LINGO2: variants seen among roughly 807,000 people sequenced by gnomAD.
The protein encoded by LINGO2 is leucine-rich repeat and immunoglobulin-like domain-containing nogo receptor-interacting protein 2.
In LINGO2, 14 loss-of-function variants were observed where a neutral mutation model predicts 30.6. The observed-to-expected ratio is 0.46, with a 90% CI of 0.30 to 0.72. The LOEUF (loss-of-function observed/expected upper bound fraction) is 0.72, where lower values mean the gene tolerates loss of function less well. LINGO2 is among the 30% of genes least tolerant of loss of function. The pLI is 0.07. For synonymous variants in LINGO2, 317 were observed against 288.5 expected, an observed-to-expected ratio of 1.10 and a Z score of -1.00; for missense variants, 729 against 751.7, an observed-to-expected ratio of 0.97 and a Z score of 0.35.
At chr9:28,347,772 T>C (rs114142917) in intron 3 of LINGO2, among the ~76,000 whole-genome samples, 1,528 of 152,280 alleles carry the variant, frequency 0.01, 32 homozygotes, top group African/African-American at 0.034. Flanking sequence ...GTAATTCCAA[T>C]GTGCATCCAA....
chr9:28,643,775 G>A (rs960565077), intron 1 of LINGO2, among the ~76,000 whole-genome samples: 5 of 151,768 alleles, frequency 3.3e-5, no homozygotes, highest in East Asian at 1.9e-4. Flanking sequence ...AGAAACATGC[G>A]AACTACCCAT....
chr9:28,949,894 T>A, the LINGO2 span, among the ~76,000 whole-genome samples: 4 of 152,096 alleles, frequency 2.6e-5, no homozygotes, highest in African/African-American at 9.7e-5. Context: ...AAATACTGGA[T>A]CCTGCAGCAC....
chr9:28,650,421 T>C (rs1828041953), intron 1 of LINGO2, among the ~76,000 whole-genome samples: 1 of 152,264 alleles, frequency 6.6e-6, no homozygotes. Context: ...AACTATGCTC[T>C]CTTTTCATCC....
chr9:28,442,934 T>A (rs1171430773), intron 2 of LINGO2, among the ~76,000 whole-genome samples: 1 of 151,752 alleles, frequency 6.6e-6, no homozygotes, highest in Non-Finnish European at 1.5e-5. Context: ...TAGTATATAT[T>A]TTCCATATAC....
intron 1 of LINGO2, among the ~76,000 whole-genome samples, chr9:28,630,818 G>A (rs1826902196): frequency 6.6e-6 from 1 of 151,750 alleles, no homozygotes; most frequent in Non-Finnish European, 1.5e-5. Flanking sequence ...ACTCTACTGA[G>A]AGTATGCAGA....
At chr9:29,096,541 C>T in the LINGO2 span, among the ~76,000 whole-genome samples, 1 of 140,158 alleles carries the variant, frequency 7.1e-6, no homozygotes, top group South Asian at 2.2e-4. Flanking sequence ...CCGCCTTGGC[C>T]TCCCAATGTG....
At chr9:28,774,499 C>T in the LINGO2 span, among the ~76,000 whole-genome samples, 1 of 152,056 alleles carries the variant, frequency 6.6e-6, no homozygotes, top group African/African-American at 2.4e-5. Context: ...TACACACACA[C>T]ATTATAGAAA....
At chr9:28,779,550 A>G in the LINGO2 span, among the ~76,000 whole-genome samples, 11 of 152,136 alleles carry the variant, frequency 7.2e-5, no homozygotes, top group Admixed American at 7.2e-4. Context: ...ATTTAACTTC[A>G]AGATAGTCAA....
the LINGO2 span, among the ~76,000 whole-genome samples, chr9:28,927,793 A>G: frequency 6.6e-6 from 1 of 152,304 alleles, no homozygotes; most frequent in South Asian, 2.1e-4. Context: ...TCACAACTCT[A>G]TGAGGCCAGT....
intron 5 of LINGO2, among the ~76,000 whole-genome samples, chr9:27,992,921 A>C (rs1821471340): frequency 1.3e-5 from 2 of 152,144 alleles, no homozygotes; most frequent in Non-Finnish European, 2.9e-5. Context: ...TGTGCAGACC[A>C]ATCCCAATAC....
At chr9:28,706,090 G>T in the LINGO2 span, among the ~76,000 whole-genome samples, 1 of 152,070 alleles carries the variant, frequency 6.6e-6, no homozygotes, top group African/African-American at 2.4e-5. Flanking sequence ...CATTGATTTT[G>T]TATTTATAAC....
At chr9:28,783,957 T>A in the LINGO2 span, among the ~76,000 whole-genome samples, 567 of 152,296 alleles carry the variant, frequency 3.7e-3, 1 homozygote, top group Non-Finnish European at 4.6e-3. Flanking sequence ...TCTCCCCTTA[T>A]AAAGACACTA....
chr9:28,307,670 T>A lies in LINGO2; in HGVS notation c.-245-12304A>T, dbSNP rs10968478. ...TGTTTGCAGATGACATGATTGTATA[T>A]CTAGAAAACCCCATTGTCTCAGCCC... is the stretch of plus-strand genomic sequence containing the variant. On this transcript the variant is annotated intron_variant, in intron 3 of 5. Transcript: ENST00000379992. 0.015 allele frequency among the ~76,000 whole-genome samples: 2,351 copies of A among 152,226 alleles called. 139 individuals carry two copies. In the East Asian group the frequency reaches 0.19, roughly 12 times the overall value.
chr9:28,803,335 G>GTA, the LINGO2 span, among the ~76,000 whole-genome samples: 2 of 151,716 alleles, frequency 1.3e-5, no homozygotes, highest in Non-Finnish European at 2.9e-5. Flanking sequence ...GTGTGTGTGT[G>GTA]TATACTATCA....
chr9:28,844,010 T>C, the LINGO2 span, among the ~76,000 whole-genome samples: 3 of 151,956 alleles, frequency 2.0e-5, 1 homozygote, highest in South Asian at 4.1e-4. Context: ...GTGAATTCTA[T>C]GTACCTGTAG....
At chr9:28,556,259 C>T (rs1274487196) in intron 1 of LINGO2, among the ~76,000 whole-genome samples, 3 of 152,096 alleles carry the variant, frequency 2.0e-5, no homozygotes, top group Non-Finnish European at 4.4e-5. Context: ...ATAGTCTCAG[C>T]CCAAAATCTC....
chr9:28,577,969 T>C (rs1824073115), intron 1 of LINGO2, among the ~76,000 whole-genome samples: 1 of 152,058 alleles, frequency 6.6e-6, no homozygotes, highest in Non-Finnish European at 1.5e-5. Flanking sequence ...TGACAGCATA[T>C]GGGAGAAACA....
Position 28,493,439 on chromosome 9 carries a change from A to T in LINGO2, c.-364-17414T>A, listed in dbSNP as rs1302417701. ...CAGCTAAGGATACCACAGACATCAA[A>T]AGAAGACATGATAATAAATCATTGG... is the stretch of plus-strand genomic sequence containing the variant. On this transcript the variant is annotated intron_variant, in intron 1 of 5. Transcript: ENST00000379992. Among the ~76,000 whole-genome samples, 3 of 152,192 alleles carry T rather than the reference A, an allele frequency of 2.0e-5. No homozygotes were observed. The South Asian group carries it at 6.2e-4, about 32-fold the overall frequency.
chr9:28,303,901 A>G (rs1207962996), intron 3 of LINGO2, among the ~76,000 whole-genome samples: 1 of 152,114 alleles, frequency 6.6e-6, no homozygotes, highest in Non-Finnish European at 1.5e-5. Flanking sequence ...TTTACTGACA[A>G]AAATCCACAT....
Sources: allele counts gnomAD v4.1 joint callset (sites outside exome capture counted in the v4.1 genomes callset), GRCh38; gene constraint gnomAD v4.1.1; transcripts MANE v1.5; gene names NCBI Gene and HGNC (gene_info 2026-07-23, HGNC 2026-07-21).